The following CLSTN2 variants were observed in gnomAD, a reference collection of about 807,000 sequenced individuals.
The protein encoded by CLSTN2 is calsyntenin 2.
Under a neutral mutation model 101.2 loss-of-function variants are expected in CLSTN2, and 48 were observed. That is an observed-to-expected ratio of 0.47 (90% CI 0.38 to 0.60). The LOEUF is 0.60. CLSTN2 is among the 20% of genes least tolerant of loss of function. The probability of loss-of-function intolerance (pLI) is 0.00; values close to 1 mark genes in which losing one functional copy is unlikely to be tolerated. For synonymous variants in CLSTN2, 481 were observed against 463.6 expected (o/e 1.04, Z -0.48); for missense variants, 1,160 against 1,238.2 (o/e 0.94, Z 0.95).
intron 2 of CLSTN2, among the ~76,000 whole-genome samples, chr3:140,344,561 TG>T (rs780918951): frequency 3.3e-5 from 5 of 152,186 alleles, no homozygotes; most frequent in Non-Finnish European, 7.3e-5. Context: ...GCCATCCCTT[TG>T]ACCTGAAATA....
chr3:140,455,696 T>C (rs760409898), intron 6 of CLSTN2, among the ~76,000 whole-genome samples: 4 of 152,190 alleles, frequency 2.6e-5, no homozygotes, highest in Non-Finnish European at 5.9e-5. Flanking sequence ...GACAGTGCTG[T>C]ATCATCACTG....
chr3:140,563,237 C>A, intron 15 of CLSTN2, 34 bp downstream of exon 15: 1 of 1,607,220 alleles, frequency 6.2e-7, no homozygotes, highest in Non-Finnish European at 8.5e-7. Context: ...CCTCAGGACA[C>A]AGGTCGTCAT....
intron 2 of CLSTN2, among the ~76,000 whole-genome samples, chr3:140,244,263 G>A (rs915986178): frequency 1.3e-5 from 2 of 152,182 alleles, no homozygotes; most frequent in African/African-American, 2.4e-5. Context: ...TGCAGAGAGG[G>A]GTTACCTGAT....
rs761082734 is a variant in CLSTN2, at chr3:140,241,844, CAT to C, written c.232+65781_232+65782del. On this transcript the variant is annotated intron_variant, in intron 2 of 16. Transcript: ENST00000458420. Reference sequence around the variant, plus strand: ...ATATATACACACACATATATATATACATATATATATACACATATATATACACA... The same window carrying C: ...ATATATACACACACATATATATATACATATATATACACATATATATACACA... Among the ~76,000 whole-genome samples, 243 of 141,908 alleles carry C rather than the reference CAT, an allele frequency of 1.7e-3. 2 individuals carry two copies. Among genetic ancestry groups the C allele is most frequent in the African/African-American group, 6.0e-3 (224 of 37,600 alleles). The allele number at this position is 141,908 out of a possible 152,430, so 93.1% of individuals were successfully genotyped here. A position where few individuals can be genotyped will look rare whatever the true frequency, so the allele number is the denominator to read the frequency against.
chr3:140,167,748 T>C (rs1032656616), intron 1 of CLSTN2, among the ~76,000 whole-genome samples: 1 of 152,210 alleles, frequency 6.6e-6, no homozygotes, highest in African/African-American at 2.4e-5. Flanking sequence ...ATCTGTTATC[T>C]GTCCCTATAG....
intron 1 of CLSTN2, among the ~76,000 whole-genome samples, chr3:139,966,782 A>T (rs1436451236): frequency 6.6e-6 from 1 of 152,214 alleles, no homozygotes; most frequent in Non-Finnish European, 1.5e-5. Flanking sequence ...GAAGGTGCTG[A>T]GTCAGGCCTA....
At chr3:140,368,910 GT>G (rs2087822108) in intron 2 of CLSTN2, among the ~76,000 whole-genome samples, 1 of 152,156 alleles carries the variant, frequency 6.6e-6, no homozygotes, top group South Asian at 2.1e-4. Flanking sequence ...TTCTTACGGT[GT>G]TCTGGGTAAC....
intron 2 of CLSTN2, among the ~76,000 whole-genome samples, chr3:140,390,329 AT>A (rs1431156445): frequency 6.6e-6 from 1 of 151,890 alleles, no homozygotes; most frequent in Non-Finnish European, 1.5e-5. Context: ...AGTTCTAATT[AT>A]TTTTTCATTT....
chr3:140,237,720 ACCTGACAG>A (rs2086429665), intron 2 of CLSTN2, among the ~76,000 whole-genome samples: 3 of 152,192 alleles, frequency 2.0e-5, no homozygotes, highest in Admixed American at 2.0e-4. Flanking sequence ...GTTGTACAAT[ACCTGACAG>A]CCAGTTTAAT....
chr3:140,355,123 G>A (rs2087655451), intron 2 of CLSTN2, among the ~76,000 whole-genome samples: 1 of 152,164 alleles, frequency 6.6e-6, no homozygotes, highest in African/African-American at 2.4e-5. Context: ...TATAAGCCCA[G>A]GGTGTTTTAC....
At chr3:140,266,596 T>A (rs1463677750) in intron 2 of CLSTN2, among the ~76,000 whole-genome samples, 2 of 152,168 alleles carry the variant, frequency 1.3e-5, no homozygotes, top group African/African-American at 4.8e-5. Flanking sequence ...TTAAATAGGT[T>A]GTTCTGCCGC....
chr3:140,084,238 C>T (rs2008644243), intron 1 of CLSTN2, among the ~76,000 whole-genome samples: 1 of 152,174 alleles, frequency 6.6e-6, no homozygotes, highest in South Asian at 2.1e-4. Flanking sequence ...CATCACTACC[C>T]TGTGGTGGTG....
intron 2 of CLSTN2, among the ~76,000 whole-genome samples, chr3:140,219,940 A>G (rs907533804): frequency 2.0e-5 from 3 of 152,248 alleles, no homozygotes; most frequent in African/African-American, 7.2e-5. Context: ...TCCTCATTCC[A>G]TATCACTTCA....
intron 2 of CLSTN2, among the ~76,000 whole-genome samples, chr3:140,260,140 A>G (rs908650616): frequency 2.3e-5 from 3 of 130,768 alleles, no homozygotes; most frequent in Non-Finnish European, 4.7e-5. Flanking sequence ...AAAGAAATAT[A>G]TATATATATA....
At chr3:140,269,211 G>T (rs1420371677) in intron 2 of CLSTN2, among the ~76,000 whole-genome samples, 1 of 152,170 alleles carries the variant, frequency 6.6e-6, no homozygotes, top group African/African-American at 2.4e-5. Flanking sequence ...TCCTTTGGGT[G>T]GTACCTTGCT....
Position 140,562,918 on chromosome 3 carries a change from C to T in CLSTN2, c.2320C>T (p.Leu774Phe). ...GCGTTTCCGGATTAAGTGCTCAGAA[C>T]TCAATGGGCGCTACACTAGCAATGA... ...ARRFRIKCSE[L>F]NGRYTSNEFN... The change falls in exon 14 of 17, where the codon CTC (leucine) becomes TTC (phenylalanine). Residue 774 changes from leucine to phenylalanine, a missense_variant. By Grantham distance (22) the Leu-to-Phe change is conservative. Coordinates refer to ENST00000458420, the MANE Select transcript of CLSTN2 (RefSeq NM_022131.3). 1.2e-6 allele frequency: 2 copies of T among 1,614,180 alleles called. No homozygotes were observed. Among genetic ancestry groups the T allele is most frequent in the South Asian group, 2.2e-5 (2 of 91,082 alleles).
chr3:140,156,456 C>T lies in CLSTN2; in HGVS notation c.110-19495C>T, dbSNP rs577382219. Reference sequence around the variant, plus strand: ...TATTTGCCAATTTTTTTAAAGTTAACTTTAAGGGAACTGAGGACCTGACCA... The same window carrying T: ...TATTTGCCAATTTTTTTAAAGTTAATTTTAAGGGAACTGAGGACCTGACCA... On this transcript the variant is annotated intron_variant, in intron 1 of 16. Transcript: ENST00000458420. Among the ~76,000 whole-genome samples, 10 of 152,210 alleles carry T rather than the reference C, an allele frequency of 6.6e-5. No individual in the cohort carries two copies. The South Asian group carries it at 2.1e-3, about 32-fold the overall frequency.
rs577040896 is a variant in CLSTN2, at chr3:140,359,985, A to G, written c.233-43644A>G. ...GTAATATATATACACACATACATAC[A>G]TATTTTATACACACACACACACACA... On this transcript the variant is annotated intron_variant, in intron 2 of 16. Transcript: ENST00000458420. Among the ~76,000 whole-genome samples the G allele has an allele frequency of 7.1e-4, 94 of 131,730 alleles. 1 individual carries two copies. The highest frequency in any genetic ancestry group is 2.5e-3 in the African/African-American group (87 of 35,302). 86.4% of individuals were successfully genotyped at this position (131,730 alleles called of 152,430 possible). A position where few individuals can be genotyped will look rare whatever the true frequency, so the allele number is the denominator to read the frequency against.
chr3:140,176,203 G>A, intron 2 of CLSTN2, 130 bp downstream of exon 2: 1 of 992,018 alleles, frequency 1.0e-6, no homozygotes, highest in Non-Finnish European at 1.4e-6. Context: ...AGCCTGTGAT[G>A]TTAAAGCTGT....
Sources: gnomAD v4.1 joint callset for allele counts (sites outside exome capture counted in the v4.1 genomes callset) on GRCh38, gnomAD v4.1.1 for gene constraint, MANE v1.5 for transcripts, NCBI Gene and HGNC (gene_info 2026-07-23, HGNC 2026-07-21) for gene names.